The following HTT-AS variants were observed in gnomAD, a reference collection of about 807,000 sequenced individuals.
The protein encoded by HTT-AS is HTT antisense RNA (head to head).
intron 1 of HTT-AS, among the ~76,000 whole-genome samples, chr4:3,068,792 T>A (rs937434613): frequency 6.6e-6 from 1 of 151,884 alleles, no homozygotes; most frequent in Non-Finnish European, 1.5e-5. Context: ...GTAGCTGAGA[T>A]TACAGGTGCC....
downstream of HTT-AS, among the ~76,000 whole-genome samples, chr4:3,047,340 A>G (rs1189375337): frequency 6.6e-6 from 1 of 152,204 alleles, no homozygotes; most frequent in East Asian, 1.9e-4. Flanking sequence ...AAAACAAAAC[A>G]AAACAAAAAG....
intron 2 of HTT-AS, among the ~76,000 whole-genome samples, chr4:3,053,754 C>A (rs28806864): frequency 0.12 from 18,308 of 147,112 alleles, 1,964 homozygotes; most frequent in African/African-American, 0.29. Context: ...GGTTTGCTAA[C>A]TTCTTTTTTT....
At chr4:3,060,784 G>C (rs1396441510) in intron 2 of HTT-AS, among the ~76,000 whole-genome samples, 6 of 152,210 alleles carry the variant, frequency 3.9e-5, no homozygotes, top group African/African-American at 7.2e-5. Flanking sequence ...ACAGTAAGGA[G>C]CAGGCAACAT....
chr4:3,048,431 C>T (rs908496072), downstream of HTT-AS, among the ~76,000 whole-genome samples: 5 of 152,148 alleles, frequency 3.3e-5, no homozygotes, highest in Non-Finnish European at 7.3e-5. Context: ...GAGAATGCAG[C>T]GCACCAGGGA....
chr4:3,061,507 C>G (rs1197194088), intron 2 of HTT-AS, among the ~76,000 whole-genome samples: 1 of 151,862 alleles, frequency 6.6e-6, no homozygotes, highest in Non-Finnish European at 1.5e-5. Flanking sequence ...ATGGTGAAAC[C>G]CTGTCTCTAC....
intron 2 of HTT-AS, among the ~76,000 whole-genome samples, chr4:3,060,641 T>C (rs1286003648): frequency 6.6e-6 from 1 of 152,204 alleles, no homozygotes; most frequent in Admixed American, 6.5e-5. Context: ...AAAATCGAGC[T>C]GCAGACATAC....
At chr4:3,053,521 A>G (rs1711750873) in intron 2 of HTT-AS, among the ~76,000 whole-genome samples, 1 of 152,198 alleles carries the variant, frequency 6.6e-6, no homozygotes, top group African/African-American at 2.4e-5. Context: ...TGACAGAGTG[A>G]GACTCTGTCT....
intron 2 of HTT-AS, among the ~76,000 whole-genome samples, chr4:3,061,758 G>A (rs1473973864): frequency 2.0e-5 from 3 of 150,712 alleles, no homozygotes; most frequent in East Asian, 1.9e-4. Context: ...GAGGCGGGCA[G>A]GTCACAAAGT....
At chr4:3,049,906 TCACACACACACA>T (rs57430954) in intron 2 of HTT-AS, among the ~76,000 whole-genome samples, 1,444 of 134,706 alleles carry the variant, frequency 0.011, 19 homozygotes, top group African/African-American at 0.036. Context: ...TTGTAAGTTA[TCACACACACACA>T]CACACACACA....
chr4:3,068,717 C>T (rs557887312), intron 1 of HTT-AS, among the ~76,000 whole-genome samples: 9 of 149,378 alleles, frequency 6.0e-5, no homozygotes, highest in South Asian at 2.1e-4. Flanking sequence ...TGAAATGGCA[C>T]GGTCTCGGCT....
At chr4:3,062,619 A>G (rs1039047418) in exon 2 of HTT-AS, among the ~76,000 whole-genome samples, 4 of 151,992 alleles carry the variant, frequency 2.6e-5, no homozygotes, top group African/African-American at 9.7e-5. Context: ...TTCTGAATTC[A>G]GCCCCCGTCC....
intron 1 of HTT-AS, among the ~76,000 whole-genome samples, chr4:3,069,197 G>A (rs1468079370): frequency 6.6e-6 from 1 of 151,416 alleles, no homozygotes; most frequent in Non-Finnish European, 1.5e-5. Context: ...CCAGGCTGGA[G>A]TGTTGTGGTG....
At chr4:3,057,142 T>A (rs1246120116) in intron 2 of HTT-AS, among the ~76,000 whole-genome samples, 1 of 152,026 alleles carries the variant, frequency 6.6e-6, no homozygotes, top group Non-Finnish European at 1.5e-5. Context: ...CAAGCAATAC[T>A]CCTGTCTCAG....
chr4:3,063,004 C>T (rs763928274), exon 2 of HTT-AS, among the ~76,000 whole-genome samples: 13 of 152,160 alleles, frequency 8.5e-5, no homozygotes, highest in Non-Finnish European at 1.3e-4. Context: ...ATCCTCCTCC[C>T]CAGGCCAGGG....
chr4:3,055,117 G>C (rs1262448423), intron 2 of HTT-AS, among the ~76,000 whole-genome samples: 1 of 152,006 alleles, frequency 6.6e-6, no homozygotes, highest in Non-Finnish European at 1.5e-5. Flanking sequence ...GGGAGGCTGA[G>C]GCAGGTAGAT....
At chr4:3,049,906 TCACACA>T (rs57430954) in intron 2 of HTT-AS, among the ~76,000 whole-genome samples, 5,460 of 134,656 alleles carry the variant, frequency 0.041, 126 homozygotes, top group Non-Finnish European at 0.051. Context: ...TTGTAAGTTA[TCACACA>T]CACACACACA....
chr4:3,069,150 G>A (rs77787865), intron 1 of HTT-AS, among the ~76,000 whole-genome samples: 6 of 144,534 alleles, frequency 4.2e-5, no homozygotes. Context: ...AACGGTGTAT[G>A]TTTTTTTTTT....
At chr4:3,047,300 G>T (rs1019536978), downstream of HTT-AS, among the ~76,000 whole-genome samples, 1 of 152,074 alleles carries the variant, frequency 6.6e-6, no homozygotes, top group African/African-American at 2.4e-5. Flanking sequence ...GACAGAGCGA[G>T]ACTCTGTCTC....
downstream of HTT-AS, among the ~76,000 whole-genome samples, chr4:3,047,211 T>C (rs530604070): frequency 7.2e-5 from 11 of 152,228 alleles, no homozygotes; most frequent in Non-Finnish European, 8.8e-5. Flanking sequence ...CTCGGGAGGC[T>C]GAGGCAGGAG....
Sources: gnomAD v4.1 joint callset for allele counts (sites outside exome capture counted in the v4.1 genomes callset) on GRCh38, gnomAD v4.1.1 for gene constraint, MANE v1.5 for transcripts, NCBI Gene and HGNC (gene_info 2026-07-23, HGNC 2026-07-21) for gene names.